The following FAM234B variants were observed in gnomAD, a reference collection of about 807,000 sequenced individuals.
FAM234B encodes family with sequence similarity 234 member B, also known as protein FAM234B.
A neutral mutation model predicts 69.3 loss-of-function variants in FAM234B; 33 were observed. The ratio of observed to expected loss-of-function variants is 0.48; its 90% CI spans 0.36 to 0.64. FAM234B has a LOEUF of 0.64. Ranked by LOEUF, FAM234B falls within the 30% of genes least tolerant of loss-of-function variation. The pLI is 0.00. For synonymous variants in FAM234B, 306 were observed against 306.9 expected (o/e 1.00, Z 0.03); for missense variants, 697 against 769.7 (o/e 0.91, Z 1.12).
rs1401524848 is a variant in FAM234B at position 13,061,778 on chromosome 12, C to T, written c.721+15C>T. ...TGCAACGTCAGGTAAATACCATTTA[C>T]CACAAAAGAACTTTGCTCCTACGAG... On this transcript the variant is annotated intron_variant, in intron 4 of 12. Transcript: ENST00000197268. The T allele has an allele frequency of 6.2e-7, 1 of 1,608,100 alleles. No individual in the cohort carries two copies. The highest frequency in any genetic ancestry group is 1.7e-5 in the Admixed American group (1 of 59,740).
Position 13,071,259 on chromosome 12 carries a change from G to A in FAM234B, c.1387G>A (p.Asp463Asn). ...GMKKMMVVDG[D>N]SGSIVWSYRA... Reference sequence around the variant, plus strand: ...TTTGTAGATGATGGTTGTGGATGGTGACTCTGGCTCCATTGTTTGGAGTTA... The same window carrying A: ...TTTGTAGATGATGGTTGTGGATGGTAACTCTGGCTCCATTGTTTGGAGTTA... Residue 463 changes from aspartate to asparagine, a missense_variant, in exon 10 of 13, where the codon GAC becomes AAC. Asp to Asn is a conservative substitution (Grantham distance 23). Around this residue, in one of 3 missense-constraint regions of FAM234B, gnomAD observed 313 missense variants for 305.5 expected, o/e 1.02. Coordinates refer to ENST00000197268, the MANE Select transcript of FAM234B (RefSeq NM_020853.2). 6.2e-7 allele frequency: 1 copy of A among 1,614,130 alleles called. No individual in the cohort carries two copies. Among genetic ancestry groups the A allele is most frequent in the Non-Finnish European group, 8.5e-7 (1 of 1,180,002 alleles).
chr12:13,046,230 T>A (rs1864810415), intron 1 of FAM234B, among the ~76,000 whole-genome samples: 1 of 97,254 alleles, frequency 1.0e-5, no homozygotes, highest in African/African-American at 5.0e-5. Flanking sequence ...TGGTTAGTAC[T>A]TGGATGGGAG....
In FAM234B at chr12:13,044,598, C is replaced by T. The variant is rs1348886247; in HGVS notation, c.37+158C>T. Among the ~76,000 whole-genome samples, 2 of 152,204 alleles carry T rather than the reference C, an allele frequency of 1.3e-5. No individual in the cohort carries two copies. Among genetic ancestry groups the T allele is most frequent in the African/African-American group, 4.8e-5 (2 of 41,464 alleles). ...GGGTGCAGTCCCTTGGGGCTGGGGTCTCTGTGCCACCAGAGGGCGAGAGGG... is the reference window on the plus strand; with the variant it reads ...GGGTGCAGTCCCTTGGGGCTGGGGTTTCTGTGCCACCAGAGGGCGAGAGGG... On this transcript the variant is annotated intron_variant, in intron 1 of 12. Transcript: ENST00000197268. The surrounding 1 kb of genome is among the most constrained non-coding windows in gnomAD (Gnocchi z 5.6).
At chr12:13,075,433 C>CTTTTTTTTTTTTTTTTTTT (rs59012504) in intron 10 of FAM234B, among the ~76,000 whole-genome samples, 16 of 137,504 alleles carry the variant, frequency 1.2e-4, no homozygotes, top group Non-Finnish European at 1.7e-4. Flanking sequence ...CTTTTCTTTT[C>CTTTTTTTTTTTTTTTTTTT]TTTTTTTTTT....
At position 13,076,093 on chromosome 12, in the gene FAM234B, C is replaced by T; in HGVS notation, c.1592C>T (p.Ser531Phe). 1.2e-6 allele frequency: 2 copies of T among 1,614,208 alleles called. No individual in the cohort carries two copies. Among genetic ancestry groups the T allele is most frequent in the Non-Finnish European group, 1.7e-6 (2 of 1,180,028 alleles). ...HLYLLHPAFP[S>F]ILLDLANTTG... ...TACCTCCTGCATCCTGCGTTCCCCT[C>T]CATCCTTCTGGATCTGGCCAACACC... The change falls in exon 11 of 13, where the codon TCC (serine) becomes TTC (phenylalanine). Residue 531 changes from serine (S) to phenylalanine (F), a missense_variant. Physicochemically the swap from Ser to Phe is radical, Grantham distance 155 (BLOSUM62 -2). Around this residue, in one of 3 missense-constraint regions of FAM234B, gnomAD observed 313 missense variants for 305.5 expected, o/e 1.02. Coordinates refer to ENST00000197268, the MANE Select transcript of FAM234B (RefSeq NM_020853.2).
At chr12:13,057,817 C>G (rs1235505823) in intron 2 of FAM234B, among the ~76,000 whole-genome samples, 1 of 152,168 alleles carries the variant, frequency 6.6e-6, no homozygotes, top group East Asian at 1.9e-4. Context: ...TGGGGTGGAA[C>G]TCCTTTGGTC....
At chr12:13,066,909 C>A in intron 6 of FAM234B, 122 bp downstream of exon 6, 1 of 1,144,886 alleles carries the variant, frequency 8.7e-7, no homozygotes, top group Non-Finnish European at 1.2e-6. Flanking sequence ...CCTTCTAATG[C>A]AGGGGCCTCT....
chr12:13,068,532 C>T, intron 8 of FAM234B, 85 bp downstream of exon 8: 1 of 1,585,206 alleles, frequency 6.3e-7, no homozygotes, highest in Non-Finnish European at 8.6e-7. Context: ...GCTTGCAATT[C>T]TTATATCTGG....
intron 10 of FAM234B, among the ~76,000 whole-genome samples, chr12:13,072,805 ACCAG>A (rs935859503): frequency 2.0e-4 from 31 of 152,134 alleles, no homozygotes; most frequent in African/African-American, 7.5e-4. Flanking sequence ...AAGCACTGAT[ACCAG>A]CCGTTTAGTC....
At chr12:13,060,082 C>T (rs888575660) in intron 3 of FAM234B, among the ~76,000 whole-genome samples, 1 of 152,146 alleles carries the variant, frequency 6.6e-6, no homozygotes, top group Non-Finnish European at 1.5e-5. Context: ...GTGAAGTAGA[C>T]CCATTATTAT....
intron 10 of FAM234B, among the ~76,000 whole-genome samples, chr12:13,075,716 A>G (rs1865151859): frequency 6.7e-6 from 1 of 150,258 alleles, no homozygotes; most frequent in African/African-American, 2.5e-5. Flanking sequence ...TCGGCCTCCT[A>G]AAGTGCTGGG....
At position 13,082,654 on chromosome 12, in the gene FAM234B, C is replaced by G. The variant is rs1865249944; in HGVS notation, c.*2024C>G. ...ATTTGAAGAATTAATTTATAGGCAG[C>G]TGAATACCCAAAACTTGGGTGGTGG... On this transcript the variant is annotated 3_prime_UTR_variant, in exon 13 of 13. Coordinates refer to ENST00000197268, the MANE Select transcript of FAM234B (RefSeq NM_020853.2). 1.3e-5 allele frequency: 2 copies of G among 152,194 alleles called. No homozygotes were observed. The highest frequency in any genetic ancestry group is 1.3e-4 in the Admixed American group (2 of 15,278). 9.4% of individuals were successfully genotyped at this position (152,194 alleles called of 1,614,324 possible).
chr12:13,068,256 A>G lies in FAM234B; in HGVS notation c.1143-48A>G, dbSNP rs1865061839. On this transcript the variant is annotated intron_variant, in intron 7 of 12. Coordinates refer to ENST00000197268, the MANE Select transcript of FAM234B (RefSeq NM_020853.2). ...AAAAAGCCAAAGTAAATGGCTCAGA[A>G]ATCTCATCCAAGCCAGAGACTAACC... The G allele has an allele frequency of 3.1e-6, 5 of 1,609,758 alleles. No homozygotes were observed. The South Asian group carries it at 5.5e-5, about 18-fold the overall frequency.
intron 1 of FAM234B, among the ~76,000 whole-genome samples, chr12:13,051,394 G>A (rs1864875028): frequency 6.6e-6 from 1 of 152,200 alleles, no homozygotes; most frequent in Admixed American, 6.5e-5. Flanking sequence ...AGACTGACTA[G>A]CAAGATTGAA....
rs546743983 is a variant in FAM234B at position 13,044,538 on chromosome 12, A to C, written c.37+98A>C. Reference sequence around the variant, plus strand: ...CGAGGCCGGTCGGGCCCTGGCCTCAACCCAGACTCAGCTGCAGGCGCCCGG... The same window carrying C: ...CGAGGCCGGTCGGGCCCTGGCCTCACCCCAGACTCAGCTGCAGGCGCCCGG... On this transcript the variant is annotated intron_variant, in intron 1 of 12. Coordinates refer to ENST00000197268, the MANE Select transcript of FAM234B (RefSeq NM_020853.2). This position sits in a 1 kb window ranked among gnomAD's most constrained non-coding sequence, Gnocchi z 5.6. The C allele has an allele frequency of 2.7e-5, 36 of 1,354,902 alleles. No individual in the cohort carries two copies. The East Asian group carries it at 8.3e-4, about 31-fold the overall frequency. The allele number at this position is 1,354,902 out of a possible 1,614,324, so 83.9% of individuals were successfully genotyped here. A position where few individuals can be genotyped will look rare whatever the true frequency, so the allele number is the denominator to read the frequency against.
chr12:13,071,435 G>C, intron 10 of FAM234B, 39 bp downstream of exon 10: 1 of 1,583,392 alleles, frequency 6.3e-7, no homozygotes, highest in South Asian at 1.1e-5. Context: ...TACTTTGTCA[G>C]ATGGCAGCTG....
intron 1 of FAM234B, among the ~76,000 whole-genome samples, chr12:13,052,287 T>A (rs1864884628): frequency 6.6e-6 from 1 of 152,164 alleles, no homozygotes; most frequent in Non-Finnish European, 1.5e-5. Context: ...AGTAACTGGT[T>A]GATAGGTCTT....
At chr12:13,078,208 AT>A (rs1230913039) in intron 11 of FAM234B, among the ~76,000 whole-genome samples, 1 of 151,458 alleles carries the variant, frequency 6.6e-6, no homozygotes, top group African/African-American at 2.4e-5. Context: ...ATTTTCTCCC[AT>A]TTTGTAGGTT....
intron 3 of FAM234B, among the ~76,000 whole-genome samples, chr12:13,060,524 C>T (rs1334485687): frequency 1.3e-5 from 2 of 152,220 alleles, no homozygotes; most frequent in East Asian, 1.9e-4. Flanking sequence ...TAGGAAGAAC[C>T]ACACAGGATA....
Sources: allele counts gnomAD v4.1 joint callset (sites outside exome capture counted in the v4.1 genomes callset), GRCh38; gene constraint gnomAD v4.1.1; regional missense constraint gnomAD v4.1.1; non-coding constraint Gnocchi (gnomAD v3.1); transcripts MANE v1.5; gene names NCBI Gene and HGNC (gene_info 2026-07-23, HGNC 2026-07-21).